Variants in SGCZ observed in about 807,000 individuals in gnomAD.
The protein encoded by SGCZ is sarcoglycan zeta.
Under a neutral mutation model 41.3 loss-of-function variants are expected in SGCZ, and 40 were observed. That is an observed-to-expected ratio of 0.97 (90% CI 0.75 to 1.26). The LOEUF (loss-of-function observed/expected upper bound fraction) is 1.26. Ranked by LOEUF, SGCZ falls within the 50% of genes most tolerant of loss-of-function variation. The probability of loss-of-function intolerance (pLI) is 0.00; values close to 1 mark genes in which losing one functional copy is unlikely to be tolerated. For synonymous variants in SGCZ, 206 were observed against 137.5 expected, an observed-to-expected ratio of 1.50 and a Z score of -3.49; for missense variants, 552 against 369.8, an observed-to-expected ratio of 1.49 and a Z score of -4.04.
chr8:14,264,754 GA>G (rs376578071), intron 3 of SGCZ, among the ~76,000 whole-genome samples: 63 of 152,282 alleles, frequency 4.1e-4, no homozygotes, highest in Admixed American at 4.6e-4. Flanking sequence ...GAGGTCAGGA[GA>G]CCAAGACCAT....
intron 2 of SGCZ, among the ~76,000 whole-genome samples, chr8:14,444,008 A>C (rs1800353628): frequency 6.6e-6 from 1 of 152,208 alleles, no homozygotes; most frequent in Non-Finnish European, 1.5e-5. Flanking sequence ...GAAGGATATG[A>C]ACAGACGCTT....
intron 1 of SGCZ, among the ~76,000 whole-genome samples, chr8:14,681,526 G>T (rs1808446165): frequency 6.6e-6 from 1 of 152,126 alleles, no homozygotes; most frequent in African/African-American, 2.4e-5. Flanking sequence ...ATGTTACCTT[G>T]CCTGGATCAT....
intron 2 of SGCZ, among the ~76,000 whole-genome samples, chr8:14,352,144 T>G (rs1167498780): frequency 6.6e-6 from 1 of 152,100 alleles, no homozygotes; most frequent in Non-Finnish European, 1.5e-5. Flanking sequence ...AAATGCATCT[T>G]TCAGGGTAAA....
chr8:14,307,474 T>G (rs1181442330), intron 3 of SGCZ, among the ~76,000 whole-genome samples: 1 of 152,126 alleles, frequency 6.6e-6, no homozygotes, highest in Admixed American at 6.6e-5. Context: ...AGTTTTTCTC[T>G]CCCTCTCCCA....
intron 1 of SGCZ, among the ~76,000 whole-genome samples, chr8:15,132,603 CAGAA>C (rs1182443221): frequency 2.6e-5 from 4 of 152,088 alleles, no homozygotes; most frequent in South Asian, 2.1e-4. Context: ...ATAATTTAAC[CAGAA>C]AGACTTTGTA....
chr8:14,815,127 T>C (rs1801863168), intron 1 of SGCZ, among the ~76,000 whole-genome samples: 1 of 152,198 alleles, frequency 6.6e-6, no homozygotes, highest in Non-Finnish European at 1.5e-5. Context: ...TGTTATTATT[T>C]TGGTTATACT....
Position 14,090,333 on chromosome 8 carries a change from G to A in SGCZ, c.*110C>T. 3 of 1,168,600 alleles carry A rather than the reference G, an allele frequency of 2.6e-6. No homozygotes were observed. The highest frequency in any genetic ancestry group is 3.6e-6 in the Non-Finnish European group (3 of 842,012). 72.4% of individuals were successfully genotyped at this position (1,168,600 alleles called of 1,614,324 possible). On this transcript the variant is annotated 3_prime_UTR_variant, in exon 8 of 8. Coordinates refer to ENST00000382080, the MANE Select transcript of SGCZ (RefSeq NM_139167.4). The stretch of plus-strand genomic sequence containing the variant: ...CCCTGCTCACACTGGAAGTTGCTCT[G>A]TGGACCATTCGAAGAAGCTCTGGAC...
chr8:14,780,937 G>C (rs539828214), intron 1 of SGCZ, among the ~76,000 whole-genome samples: 1 of 152,252 alleles, frequency 6.6e-6, no homozygotes, highest in Admixed American at 6.5e-5. Context: ...CAAAATTTCT[G>C]TTGCCAAAGA....
intron 1 of SGCZ, among the ~76,000 whole-genome samples, chr8:14,637,994 T>C (rs904492630): frequency 4.0e-5 from 6 of 151,862 alleles, no homozygotes; most frequent in African/African-American, 1.4e-4. Context: ...TTTGACATTT[T>C]AGTAATAGTC....
At chr8:14,163,574 T>G (rs1804112495) in intron 5 of SGCZ, among the ~76,000 whole-genome samples, 1 of 152,194 alleles carries the variant, frequency 6.6e-6, no homozygotes, top group South Asian at 2.1e-4. Context: ...CACATTCTCA[T>G]CACACAACTA....
intron 1 of SGCZ, among the ~76,000 whole-genome samples, chr8:14,798,404 T>C (rs1450511970): frequency 6.6e-6 from 1 of 152,194 alleles, no homozygotes; most frequent in African/African-American, 2.4e-5. Flanking sequence ...GGCTTTAATT[T>C]TATAGATGCC....
chr8:14,149,611 G>A (rs1306647551), intron 5 of SGCZ, among the ~76,000 whole-genome samples: 1 of 147,312 alleles, frequency 6.8e-6, no homozygotes, highest in Admixed American at 6.9e-5. Context: ...GCTATCTACA[G>A]ACTCAGTGCA....
intron 1 of SGCZ, among the ~76,000 whole-genome samples, chr8:15,073,673 A>C (rs1024908893): frequency 2.6e-5 from 4 of 152,210 alleles, no homozygotes; most frequent in African/African-American, 9.6e-5. Flanking sequence ...ATATGACCTC[A>C]AGACTGCAAC....
At chr8:14,874,672 T>A (rs199911497) in intron 1 of SGCZ, among the ~76,000 whole-genome samples, 2 of 152,234 alleles carry the variant, frequency 1.3e-5, no homozygotes, top group East Asian at 3.9e-4. Context: ...TAAATTCCAG[T>A]GTGGATCAAG....
intron 1 of SGCZ, among the ~76,000 whole-genome samples, chr8:14,789,268 C>G (rs1800873174): frequency 6.6e-6 from 1 of 152,158 alleles, no homozygotes; most frequent in Non-Finnish European, 1.5e-5. Context: ...TACTTGTTTA[C>G]AGTATGTAAA....
intron 2 of SGCZ, among the ~76,000 whole-genome samples, chr8:14,448,623 A>G (rs1400060013): frequency 3.3e-5 from 5 of 152,250 alleles, no homozygotes; most frequent in Non-Finnish European, 7.3e-5. Flanking sequence ...TAACAACCAT[A>G]AATACAATCA....
rs763804922 is a variant in SGCZ, at chr8:14,185,415, TAAATA to T, written c.425-20718_425-20714del. Among the ~76,000 whole-genome samples the T allele has an allele frequency of 5.7e-4, 87 of 151,992 alleles. 1 individual carries two copies. Among genetic ancestry groups the T allele is most frequent in the African/African-American group, 2.0e-3 (84 of 41,466 alleles). On this transcript the variant is annotated intron_variant, in intron 4 of 7. Transcript: ENST00000382080. ...AAGACTGTCTCTCAAAATAAATAAA[TAAATA>T]AAATAAAAAAACAAAAAATCTGGCT...
intron 1 of SGCZ, among the ~76,000 whole-genome samples, chr8:14,953,891 G>A (rs1800719493): frequency 6.6e-6 from 1 of 152,024 alleles, no homozygotes; most frequent in Non-Finnish European, 1.5e-5. Context: ...CCTAAAATAT[G>A]TTTATGTTTA....
intron 2 of SGCZ, among the ~76,000 whole-genome samples, chr8:14,478,606 G>A (rs1045679355): frequency 2.6e-5 from 4 of 152,014 alleles, no homozygotes; most frequent in Non-Finnish European, 5.9e-5. Context: ...CTGTAACTAT[G>A]GATATTGTGT....
Sources: gnomAD v4.1 joint callset for allele counts (sites outside exome capture counted in the v4.1 genomes callset) on GRCh38, gnomAD v4.1.1 for gene constraint, MANE v1.5 for transcripts, NCBI Gene and HGNC (gene_info 2026-07-23, HGNC 2026-07-21) for gene names.